The following NIBAN1 variants were observed in gnomAD, a reference collection of about 807,000 sequenced individuals.
NIBAN1 encodes niban apoptosis regulator 1.
A neutral mutation model predicts 75.1 loss-of-function variants in NIBAN1; 81 were observed. That is an observed-to-expected ratio of 1.08 (90% CI 0.90 to 1.30). The LOEUF (loss-of-function observed/expected upper bound fraction) is 1.30, where lower values mean the gene tolerates loss of function less well. Ranked by LOEUF, NIBAN1 falls within the 50% of genes most tolerant of loss-of-function variation. The probability of loss-of-function intolerance (pLI) is 0.00; values close to 1 mark genes in which losing one functional copy is unlikely to be tolerated. For missense variants in NIBAN1, 1,133 were observed against 1,128.1 expected, an observed-to-expected ratio of 1.00 and a Z score of -0.06; for synonymous variants, 436 against 424.8, an observed-to-expected ratio of 1.03 and a Z score of -0.32.
chr1:184,954,996 T>C (rs933877994), intron 1 of NIBAN1, among the ~76,000 whole-genome samples: 1 of 152,222 alleles, frequency 6.6e-6, no homozygotes, highest in African/African-American at 2.4e-5. Context: ...TTATTTGGTC[T>C]TCCAGTAGCC....
intron 12 of NIBAN1, among the ~76,000 whole-genome samples, chr1:184,801,651 C>T (rs1654045601): frequency 6.6e-6 from 1 of 152,204 alleles, no homozygotes; most frequent in African/African-American, 2.4e-5. Flanking sequence ...CATGAGGCAA[C>T]TGCTGTGTTC....
At chr1:184,821,338 C>T (rs1654694892) in intron 8 of NIBAN1, 1 of 152,060 alleles carries the variant, frequency 6.6e-6, no homozygotes, top group South Asian at 2.1e-4. Flanking sequence ...TTAATGCAGC[C>T]GAAAGCGCAC....
chr1:184,795,622 C>T lies in NIBAN1; in HGVS notation c.2142G>A (p.Lys714=). ...GTACTTCCACGGACGCTGTCAGCAA[C>T]TTTCTGAGCGCCTTCAAAGAACCCG... ...TASGSLKALR[K]LLTASVEVPV... is the part of the protein sequence containing the mutation. The change falls in exon 14 of 14, where the codon AAG becomes AAA. Residue 714 remains lysine, a synonymous_variant. Transcript: ENST00000367511. 6.2e-7 allele frequency: 1 copy of T among 1,614,192 alleles called. No homozygotes were observed. Among genetic ancestry groups the T allele is most frequent in the African/African-American group, 1.3e-5 (1 of 75,058 alleles).
At chr1:184,906,231 C>T (rs1163203643) in intron 1 of NIBAN1, among the ~76,000 whole-genome samples, 1 of 151,788 alleles carries the variant, frequency 6.6e-6, no homozygotes, top group Non-Finnish European at 1.5e-5. Flanking sequence ...GCACTCCATC[C>T]TGGCTGACAG....
At chr1:184,814,672 T>C (rs1654477571) in intron 9 of NIBAN1, among the ~76,000 whole-genome samples, 1 of 152,242 alleles carries the variant, frequency 6.6e-6, no homozygotes, top group South Asian at 2.1e-4. Flanking sequence ...TCCAATGTTT[T>C]AAACCTGTGG....
chr1:184,834,295 T>A (rs1282496983), intron 5 of NIBAN1, among the ~76,000 whole-genome samples: 1 of 152,184 alleles, frequency 6.6e-6, no homozygotes. Flanking sequence ...TCTTTGCTAT[T>A]GTGAATAGTG....
intron 1 of NIBAN1, among the ~76,000 whole-genome samples, chr1:184,938,908 C>T (rs1658024922): frequency 2.0e-5 from 3 of 152,234 alleles, no homozygotes; most frequent in Non-Finnish European, 4.4e-5. Flanking sequence ...AGTGGATAAA[C>T]TGCATCTTTA....
chr1:184,969,671 G>T (rs1317018850), intron 1 of NIBAN1, among the ~76,000 whole-genome samples: 1 of 151,832 alleles, frequency 6.6e-6, no homozygotes, highest in African/African-American at 2.4e-5. Flanking sequence ...TGAAACAGAG[G>T]GCAATATCAG....
chr1:184,900,087 A>T (rs1182444024), intron 1 of NIBAN1, among the ~76,000 whole-genome samples: 1 of 152,080 alleles, frequency 6.6e-6, no homozygotes, highest in African/African-American at 2.4e-5. Context: ...AAGTGCTGGG[A>T]TTATAGGCGT....
intron 5 of NIBAN1, among the ~76,000 whole-genome samples, chr1:184,869,239 G>T (rs1571533161): frequency 6.6e-6 from 1 of 152,142 alleles, no homozygotes; most frequent in East Asian, 1.9e-4. Context: ...GAGAAGAGAG[G>T]TATTTTATCT....
At chr1:184,825,376 T>G (rs1297870309) in intron 6 of NIBAN1, among the ~76,000 whole-genome samples, 1 of 147,044 alleles carries the variant, frequency 6.8e-6, no homozygotes, top group African/African-American at 2.7e-5. Context: ...GCCTGTCTAA[T>G]ATACGATGAT....
At chr1:184,925,396 T>C (rs1430783047) in intron 1 of NIBAN1, among the ~76,000 whole-genome samples, 1 of 152,100 alleles carries the variant, frequency 6.6e-6, no homozygotes, top group East Asian at 1.9e-4. Flanking sequence ...AGAGTTTAGT[T>C]CACTTACATT....
intron 5 of NIBAN1, among the ~76,000 whole-genome samples, chr1:184,833,755 A>T (rs1204866771): frequency 1.3e-5 from 2 of 152,202 alleles, no homozygotes; most frequent in African/African-American, 2.4e-5. Flanking sequence ...ATGGAACAGT[A>T]ACTGACATTT....
At chr1:184,801,795 T>A (rs1032071378) in intron 12 of NIBAN1, among the ~76,000 whole-genome samples, 4 of 152,210 alleles carry the variant, frequency 2.6e-5, no homozygotes, top group African/African-American at 9.7e-5. Context: ...CAATAAACAG[T>A]AGACCTTTAA....
At position 184,795,995 on chromosome 1, in the gene NIBAN1, G is replaced by C. The variant is rs1354760676; in HGVS notation, c.1769C>G (p.Thr590Arg). Reference protein sequence around the residue: ...VSSLTDLKPPTGSNQASPARR... With the variant: ...VSSLTDLKPPRGSNQASPARR... ...GGCAGGGCTGGCCTGGTTTGACCCT[G>C]TGGGGGGCTTTAGATCTGTTAAGCT... Residue 590 changes from threonine to arginine, a missense_variant, in exon 14 of 14, where the codon ACA (threonine) becomes AGA (arginine). Thr to Arg is a moderately conservative substitution (Grantham distance 71). Coordinates refer to ENST00000367511, the MANE Select transcript of NIBAN1 (RefSeq NM_052966.4). 20 of 1,613,600 alleles carry C rather than the reference G, an allele frequency of 1.2e-5. No individual in the cohort carries two copies. Among genetic ancestry groups the C allele is most frequent in the Non-Finnish European group, 1.7e-5 (20 of 1,180,026 alleles).
At chr1:184,828,246 G>T (rs1026642647) in intron 6 of NIBAN1, among the ~76,000 whole-genome samples, 1 of 152,122 alleles carries the variant, frequency 6.6e-6, no homozygotes, top group South Asian at 2.1e-4. Flanking sequence ...AATAACCATC[G>T]CTATGAGGGC....
At chr1:184,803,734 C>T (rs759705632) in intron 11 of NIBAN1, 42 bp from the exon 12 acceptor site, 2 of 1,567,912 alleles carry the variant, frequency 1.3e-6, no homozygotes, top group Non-Finnish European at 1.8e-6. Flanking sequence ...ACATTACAAT[C>T]TGTTGACTTA....
intron 5 of NIBAN1, 123 bp from the exon 6 acceptor site, chr1:184,832,085 A>G: frequency 1.4e-6 from 1 of 700,638 alleles, no homozygotes; most frequent in Non-Finnish European, 2.4e-6. Context: ...GGATTATAAG[A>G]CACAGAGAAA....
At chr1:184,851,767 G>T (rs1399650397) in intron 5 of NIBAN1, among the ~76,000 whole-genome samples, 2 of 151,776 alleles carry the variant, frequency 1.3e-5, no homozygotes. Context: ...GGGGGATTTT[G>T]TACTTGTGGC....
Sources: allele counts gnomAD v4.1 joint callset (sites outside exome capture counted in the v4.1 genomes callset), GRCh38; gene constraint gnomAD v4.1.1; transcripts MANE v1.5; gene names NCBI Gene and HGNC (gene_info 2026-07-23, HGNC 2026-07-21).